Variants in NPC1 observed in about 807,000 individuals in gnomAD.
NPC1 encodes the protein NPC intracellular cholesterol transporter 1.
NPC1 carries 85 observed loss-of-function variants against 140.4 expected under a neutral mutation model. The observed-to-expected ratio is 0.61, with a 90% CI of 0.51 to 0.72. The LOEUF (loss-of-function observed/expected upper bound fraction) is 0.72. NPC1 is among the 30% of genes least tolerant of loss of function. The probability of loss-of-function intolerance (pLI) is 0.00; values close to 1 mark genes in which losing one functional copy is unlikely to be tolerated. For synonymous variants in NPC1, 656 were observed against 624.8 expected, an observed-to-expected ratio of 1.05 and a Z score of -0.74; for missense variants, 1,504 against 1,623.8, an observed-to-expected ratio of 0.93 and a Z score of 1.27.
At chr18:23,577,716 G>A (rs1310121474) in intron 1 of NPC1, among the ~76,000 whole-genome samples, 1 of 151,822 alleles carries the variant, frequency 6.6e-6, no homozygotes, top group African/African-American at 2.4e-5. Flanking sequence ...CTGCACAGGA[G>A]GCCACGGAGG....
chr18:23,544,943 A>ACCT lies in NPC1; in HGVS notation c.1947+16_1947+17insAGG, dbSNP rs55809701. On this transcript the variant is annotated intron_variant, in intron 12 of 24. Coordinates refer to ENST00000269228, the MANE Select transcript of NPC1 (RefSeq NM_000271.5). ...GCTGTTAACCTCTAGAACATACACC[A>ACCT]CCCCCCCCCGGCTTACCAGAAGCCT... The ACCT allele has an allele frequency of 5.8e-6, 6 of 1,042,310 alleles. No homozygotes were observed. The highest frequency in any genetic ancestry group is 5.2e-5 in the African/African-American group (3 of 57,286). 64.6% of individuals were successfully genotyped at this position (1,042,310 alleles called of 1,614,324 possible).
chr18:23,512,857 T>G lies in NPC1; in HGVS notation c.432-6215A>C, dbSNP rs376045826. On this transcript the variant is annotated intron_variant, in intron 3 of 3. Coordinates refer to the NPC1 transcript ENST00000591107. ...TTGTTATGAAATAGCTCCAGAACTT[T>G]TTTCATCTTGTGAAACCAAAACTAT... Among the ~76,000 whole-genome samples, 60 of 152,186 alleles carry G rather than the reference T, an allele frequency of 3.9e-4. 1 individual carries two copies. Among genetic ancestry groups the G allele is most frequent in the Admixed American group, 3.3e-3 (51 of 15,274 alleles).
At chr18:23,506,313 A>G (rs926273569) in exon 4 of NPC1, 4 of 152,174 alleles carry the variant, frequency 2.6e-5, no homozygotes, top group African/African-American at 4.8e-5. Flanking sequence ...GGCAATGAAC[A>G]TGTTCAGACC....
At chr18:23,534,606 C>T (rs2058598243) in intron 22 of NPC1, 47 bp from the exon 23 acceptor site, 2 of 1,461,670 alleles carry the variant, frequency 1.4e-6, no homozygotes, top group Admixed American at 3.6e-5. Flanking sequence ...CTGTTGAAGA[C>T]CCTAGGCAGC....
intron 1 of NPC1, chr18:23,524,185 C>T (rs1331615278): frequency 6.2e-7 from 1 of 1,613,206 alleles, no homozygotes; most frequent in East Asian, 2.2e-5. Flanking sequence ...GTATCCTTTA[C>T]TAAGGTGTGG....
intron 3 of NPC1, chr18:23,516,201 G>GA (rs1295915105): frequency 7.4e-7 from 1 of 1,357,122 alleles, no homozygotes; most frequent in African/African-American, 1.4e-5. Context: ...GGACATGGGG[G>GA]ACGGTGGAAA....
At chr18:23,536,255 T>TG (rs1411957211) in intron 21 of NPC1, among the ~76,000 whole-genome samples, 1 of 152,130 alleles carries the variant, frequency 6.6e-6, no homozygotes, top group Admixed American at 6.5e-5. Flanking sequence ...CTTTTCTTCC[T>TG]GGGAAAAAAA....
downstream of NPC1, chr18:23,530,683 G>A: frequency 6.9e-7 from 1 of 1,445,204 alleles, no homozygotes; most frequent in East Asian, 2.3e-5. Flanking sequence ...GGCAGCTGGT[G>A]GGCGAGGACC....
chr18:23,575,045 C>A (rs1466056028), intron 1 of NPC1, among the ~76,000 whole-genome samples: 2 of 152,186 alleles, frequency 1.3e-5, no homozygotes, highest in African/African-American at 2.4e-5. Flanking sequence ...ATTTTAAATA[C>A]AAAGAACTCT....
At chr18:23,582,274 C>T (rs917683790) in intron 1 of NPC1, among the ~76,000 whole-genome samples, 1 of 152,206 alleles carries the variant, frequency 6.6e-6, no homozygotes, top group African/African-American at 2.4e-5. Context: ...TCTCTCAAAT[C>T]CTCCAACAGA....
At position 23,544,945 on chromosome 18, in the gene NPC1, C is replaced by CCCCT. The variant is rs1555634634; in HGVS notation, c.1947+14_1947+15insAGGG. On this transcript the variant is annotated intron_variant, in intron 12 of 24. Transcript: ENST00000269228. ...TGTTAACCTCTAGAACATACACCAC[C>CCCCT]CCCCCCCGGCTTACCAGAAGCCTGC... The CCCCT allele has an allele frequency of 4.6e-6, 6 of 1,291,336 alleles. No individual in the cohort carries two copies. The Admixed American group carries it at 7.3e-5, about 16-fold the overall frequency. 80.0% of individuals were successfully genotyped at this position (1,291,336 alleles called of 1,614,324 possible). A position where few individuals can be genotyped will look rare whatever the true frequency, so the allele number is the denominator to read the frequency against.
At chr18:23,561,302 GT>G in intron 5 of NPC1, 57 bp downstream of exon 5, 2 of 1,577,682 alleles carry the variant, frequency 1.3e-6, no homozygotes, top group Non-Finnish European at 1.7e-6. Context: ...TGCCCAGCCA[GT>G]TCCTTGGCTT....
chr18:23,537,589 C>G (rs1366574474), intron 20 of NPC1, among the ~76,000 whole-genome samples: 1 of 152,196 alleles, frequency 6.6e-6, no homozygotes, highest in Non-Finnish European at 1.5e-5. Flanking sequence ...CCAGTCTCCT[C>G]TTCTGTAAAT....
chr18:23,532,052 A>T lies in NPC1; in HGVS notation c.*150T>A. 6.3e-7 allele frequency: 1 copy of T among 1,585,722 alleles called. No individual in the cohort carries two copies. The highest frequency in any genetic ancestry group is 1.8e-5 in the Admixed American group (1 of 56,712). ...TTCCCAAGTCAACTGTGCATTCCTG[A>T]GTTCACAGGCGCTACGTTCAAAGCT... On this transcript the variant is annotated 3_prime_UTR_variant, in exon 25 of 25. Coordinates refer to ENST00000269228, the MANE Select transcript of NPC1 (RefSeq NM_000271.5).
At position 23,551,640 on chromosome 18, in the gene NPC1, C is replaced by G; in HGVS notation, c.1641G>C (p.Leu547Phe). 1 of 1,613,276 alleles carries G rather than the reference C, an allele frequency of 6.2e-7. No homozygotes were observed. The highest frequency in any genetic ancestry group is 2.2e-5 in the East Asian group (1 of 44,870). The change falls in exon 10 of 25, where the codon TTG becomes TTC. Residue 547 changes from leucine (L) to phenylalanine (F), a missense_variant. Leu to Phe is a conservative substitution (Grantham distance 22). Transcript: ENST00000269228. ...TCTCTTACTTACCATCATAGCCTCC[C>G]AACACAAGCCACGGGAACACTGGTC... ...FGGPVFPWLV[L>F]GGYDDQNYNN... is the part of the protein sequence containing the mutation.
In NPC1 at chr18:23,544,375, T is replaced by G; in HGVS notation, c.2099A>C (p.Asp700Ala). The part of the protein sequence containing the change: ...IPFLVLAVGV[D>A]NIFILVQAYQ... Reference sequence around the variant, plus strand: ...GGCCTGCACCAGAATGAAGATGTTGTCCACTCCAACAGCCAGCACCAGGAA... The same window carrying G: ...GGCCTGCACCAGAATGAAGATGTTGGCCACTCCAACAGCCAGCACCAGGAA... The change falls in exon 13 of 25, where the codon GAC (aspartate) becomes GCC (alanine). Residue 700 changes from aspartate (D) to alanine (A), a missense_variant. Transcript: ENST00000269228. 1.2e-6 allele frequency: 2 copies of G among 1,614,104 alleles called. No homozygotes were observed. Among genetic ancestry groups the G allele is most frequent in the Non-Finnish European group, 1.7e-6 (2 of 1,180,028 alleles).
At chr18:23,544,650 G>A in intron 12 of NPC1, 124 bp from the exon 13 acceptor site, 1 of 908,402 alleles carries the variant, frequency 1.1e-6, no homozygotes, top group Non-Finnish European at 1.8e-6. Flanking sequence ...GTACAATTCT[G>A]TGTTTCAGAG....
chr18:23,556,993 C>T (rs752151538), intron 7 of NPC1, 124 bp downstream of exon 7: 28 of 825,650 alleles, frequency 3.4e-5, no homozygotes, highest in Admixed American at 5.9e-5. Context: ...CTGCCTTGGT[C>T]GCAGCCGTGT....
chr18:23,506,723 T>TA (rs1598838872), intron 3 of NPC1: 1 of 377,278 alleles, frequency 2.7e-6, no homozygotes, highest in Non-Finnish European at 4.9e-6. Context: ...TCTCAGGTGA[T>TA]ATGTGTGTGT....
Sources: gnomAD v4.1 joint callset for allele counts (sites outside exome capture counted in the v4.1 genomes callset) on GRCh38, gnomAD v4.1.1 for gene constraint, MANE v1.5 for transcripts, NCBI Gene and HGNC (gene_info 2026-07-23, HGNC 2026-07-21) for gene names.